Variants in TERB1 observed in about 807,000 individuals in gnomAD.
TERB1 encodes telomere repeat binding bouquet formation protein 1, also known as telomere repeats-binding bouquet formation protein 1.
Under a neutral mutation model 92.3 loss-of-function variants are expected in TERB1, and 63 were observed. That is an observed-to-expected ratio of 0.68 (90% CI 0.56 to 0.84). TERB1 has a LOEUF of 0.84. Among genes scored for constraint, TERB1 ranks in the 40% least tolerant of loss-of-function variants. The pLI is 0.00. For synonymous variants in TERB1, 252 were observed against 283.9 expected, an observed-to-expected ratio of 0.89 and a Z score of 1.13; for missense variants, 709 against 843.7, an observed-to-expected ratio of 0.84 and a Z score of 1.98.
intron 16 of TERB1, among the ~76,000 whole-genome samples, chr16:66,766,073 T>C (rs193013213): frequency 0.023 from 3,449 of 146,896 alleles, 70 homozygotes; most frequent in Non-Finnish European, 0.03. Flanking sequence ...GGGTTTCACC[T>C]TGTTAGCCAG....
At chr16:66,794,922 A>AACACAC (rs57731987) in intron 3 of TERB1, among the ~76,000 whole-genome samples, 5 of 146,136 alleles carry the variant, frequency 3.4e-5, no homozygotes, top group Admixed American at 6.8e-5. Flanking sequence ...AAAAAAAAAA[A>AACACAC]ACACACACAC....
At chr16:66,797,623 C>CCACACA (rs71145942) in intron 2 of TERB1, among the ~76,000 whole-genome samples, 33,131 of 140,724 alleles carry the variant, frequency 0.24, 3,838 homozygotes, top group East Asian at 0.36. Flanking sequence ...TAAAAACACA[C>CCACACA]CACACACACA....
chr16:66,782,981 T>A (rs1225003283), intron 9 of TERB1, among the ~76,000 whole-genome samples: 2 of 152,088 alleles, frequency 1.3e-5, no homozygotes, highest in Non-Finnish European at 2.9e-5. Flanking sequence ...TCCTCCCAAG[T>A]AGCTCAGACT....
Position 66,777,236 on chromosome 16 carries a change from T to C in TERB1, c.952A>G (p.Met318Val). ...TCTGTGCAATGACCAAGAGTAAGCA[T>C]GATGCTAAATTTTTCTCCTGAATCC... ...SLDSGEKFSIMLTLGHCTEDC... is the reference protein window; with the variant it reads ...SLDSGEKFSIVLTLGHCTEDC... The change falls in exon 11 of 19, where the codon ATG becomes GTG. Residue 318 changes from methionine (M) to valine (V), a missense_variant. Coordinates refer to ENST00000433154, the MANE Select transcript of TERB1 (RefSeq NM_001136505.2). 6.4e-7 allele frequency: 1 copy of C among 1,551,146 alleles called. No individual in the cohort carries two copies.
In TERB1 at chr16:66,754,804, T is replaced by C; in HGVS notation, c.*172A>G. 1.6e-6 allele frequency: 1 copy of C among 616,882 alleles called. No individual in the cohort carries two copies. Among genetic ancestry groups the C allele is most frequent in the Non-Finnish European group, 2.8e-6 (1 of 361,218 alleles). The allele number at this position is 616,882 out of a possible 1,614,324, so 38.2% of individuals were successfully genotyped here. A position where few individuals can be genotyped will look rare whatever the true frequency, so the allele number is the denominator to read the frequency against. ...ATCTGTACACTGATGATATATTTGCTTTATAAATCATTGTAATTTGATGAG... is the reference window on the plus strand; with the variant it reads ...ATCTGTACACTGATGATATATTTGCCTTATAAATCATTGTAATTTGATGAG... On this transcript the variant is annotated 3_prime_UTR_variant, in exon 19 of 19. Transcript: ENST00000433154.
chr16:66,772,524 G>T, intron 13 of TERB1, 65 bp downstream of exon 13: 2 of 1,417,706 alleles, frequency 1.4e-6, no homozygotes, highest in Non-Finnish European at 9.5e-7. Context: ...GTAGTATGGA[G>T]AAAAAAGAAA....
intron 3 of TERB1, among the ~76,000 whole-genome samples, chr16:66,792,276 C>T (rs2018848594): frequency 6.6e-6 from 1 of 152,114 alleles, no homozygotes; most frequent in Admixed American, 6.6e-5. Flanking sequence ...CTTCCTCAAC[C>T]TGGCAAAGTG....
chr16:66,799,868 C>T (rs1009121958), intron 2 of TERB1, among the ~76,000 whole-genome samples: 4 of 152,072 alleles, frequency 2.6e-5, no homozygotes, highest in African/African-American at 9.7e-5. Context: ...ATATGTACTG[C>T]CACAAACAAG....
chr16:66,787,173 A>G (rs2018742897), intron 6 of TERB1, among the ~76,000 whole-genome samples: 1 of 151,834 alleles, frequency 6.6e-6, no homozygotes, highest in East Asian at 1.9e-4. Flanking sequence ...ATCACAGCTC[A>G]TTGCAGCCTC....
intron 3 of TERB1, among the ~76,000 whole-genome samples, chr16:66,794,056 T>TTCTAGGCAAATG (rs1335578493): frequency 6.6e-6 from 1 of 152,090 alleles, no homozygotes; most frequent in Non-Finnish European, 1.5e-5. Context: ...TGATTTTCAG[T>TTCTAGGCAAATG]TCTAGGCACA....
At chr16:66,787,567 C>T (rs551248408) in intron 6 of TERB1, among the ~76,000 whole-genome samples, 3 of 152,222 alleles carry the variant, frequency 2.0e-5, no homozygotes, top group African/African-American at 7.2e-5. Context: ...TAAAATTATT[C>T]CAAAACAAAA....
At chr16:66,782,986 C>T (rs1376109619) in intron 9 of TERB1, among the ~76,000 whole-genome samples, 2 of 151,914 alleles carry the variant, frequency 1.3e-5, no homozygotes, top group African/African-American at 4.8e-5. Context: ...CCAAGTAGCT[C>T]AGACTACAGG....
chr16:66,762,355 C>T (rs2018266282), intron 16 of TERB1, among the ~76,000 whole-genome samples: 1 of 152,184 alleles, frequency 6.6e-6, no homozygotes, highest in Admixed American at 6.5e-5. Context: ...ACTTCACATG[C>T]ATCCTTAACA....
chr16:66,778,483 A>G (rs1165313862), intron 10 of TERB1, among the ~76,000 whole-genome samples: 3 of 151,952 alleles, frequency 2.0e-5, no homozygotes, highest in African/African-American at 7.3e-5. Context: ...GCATGATCTC[A>G]GCTCCCTCAC....
At position 66,779,031 on chromosome 16, in the gene TERB1, A is replaced by G; in HGVS notation, c.701-16T>C. On this transcript the variant is annotated splice_polypyrimidine_tract_variant and intron_variant, in intron 9 of 18. Coordinates refer to ENST00000433154, the MANE Select transcript of TERB1 (RefSeq NM_001136505.2). ...TGAACATATGCTTAAAGAATAAAGT[A>G]GCAAAACTATTAATATTTCAAACAA... is the stretch of plus-strand genomic sequence containing the variant. The G allele has an allele frequency of 6.9e-7, 1 of 1,458,230 alleles. No individual in the cohort carries two copies. The highest frequency in any genetic ancestry group is 2.6e-5 in the East Asian group (1 of 38,936). 90.3% of individuals were successfully genotyped at this position (1,458,230 alleles called of 1,614,324 possible). A position where few individuals can be genotyped will look rare whatever the true frequency, so the allele number is the denominator to read the frequency against.
intron 11 of TERB1, among the ~76,000 whole-genome samples, chr16:66,776,837 C>T (rs2018557166): frequency 1.3e-5 from 2 of 152,092 alleles, no homozygotes; most frequent in Non-Finnish European, 2.9e-5. Flanking sequence ...CAGCAATGTG[C>T]AGAGTGGGCT....
At chr16:66,796,887 T>C in intron 2 of TERB1, 57 bp from the exon 3 acceptor site, 1 of 905,594 alleles carries the variant, frequency 1.1e-6, no homozygotes, top group South Asian at 1.6e-5. Flanking sequence ...GGCAAAGATA[T>C]AAGTACAAAT....
intron 4 of TERB1, 29 bp from the exon 5 acceptor site, chr16:66,790,752 T>A: frequency 6.5e-7 from 1 of 1,543,540 alleles, no homozygotes. Flanking sequence ...AAAAACAAAA[T>A]AGAAATGATA....
chr16:66,769,120 A>G (rs2018400510), intron 14 of TERB1, among the ~76,000 whole-genome samples: 1 of 151,860 alleles, frequency 6.6e-6, no homozygotes, highest in African/African-American at 2.4e-5. Flanking sequence ...AAAAAGAAAA[A>G]GAAAAAGAAA....
Sources: gnomAD v4.1 joint callset for allele counts (sites outside exome capture counted in the v4.1 genomes callset) on GRCh38, gnomAD v4.1.1 for gene constraint, MANE v1.5 for transcripts, NCBI Gene and HGNC (gene_info 2026-07-23, HGNC 2026-07-21) for gene names.